The following DNHD1 variants were observed in gnomAD, a reference collection of about 807,000 sequenced individuals.
The protein encoded by DNHD1 is dynein heavy chain domain-containing protein 1.
A neutral mutation model predicts 458.1 loss-of-function variants in DNHD1; 383 were observed. The observed-to-expected ratio is 0.84, with a 90% CI of 0.77 to 0.91. The LOEUF is 0.91. DNHD1 is among the 40% of genes least tolerant of loss of function. The pLI is 0.00. For missense variants in DNHD1, 5,336 were observed against 5,866.1 expected (o/e 0.91, Z 2.95); for synonymous variants, 2,203 against 2,376.9 (o/e 0.93, Z 2.13).
intron 34 of DNHD1, 62 bp from the exon 35 acceptor site, chr11:6,566,524 GT>G: frequency 6.3e-7 from 1 of 1,585,206 alleles, no homozygotes; most frequent in Admixed American, 1.8e-5. Context: ...CATACTCCCT[GT>G]CTACTCTACC....
intron 17 of DNHD1, among the ~76,000 whole-genome samples, chr11:6,539,632 C>G (rs558221350): frequency 6.6e-6 from 1 of 152,314 alleles, no homozygotes; most frequent in East Asian, 1.9e-4. Context: ...GGTATTTGCT[C>G]AGTTGGAGCC....
rs1345676136 is a variant in DNHD1, at chr11:6,528,628, G to T, written c.1944G>T (p.Val648=). The change falls in exon 11 of 43, where the codon GTG becomes GTT. Residue 648 remains valine, a synonymous_variant. Transcript: ENST00000254579. ...TCTGTGGCCCGAATGTGGGATTGGT[G>T]TGGCCCTGGAAGTCTCACCCAATTG... The part of the protein sequence containing the change: ...SIFCGPNVGL[V]WPWKSHPIAG... 1.4e-5 allele frequency: 22 copies of T among 1,551,742 alleles called. No individual in the cohort carries two copies. Among genetic ancestry groups the T allele is most frequent in the Non-Finnish European group, 1.7e-5 (20 of 1,147,002 alleles).
At chr11:6,560,617 C>T (rs144718210) in intron 28 of DNHD1, among the ~76,000 whole-genome samples, 113 of 152,264 alleles carry the variant, frequency 7.4e-4, no homozygotes, top group African/African-American at 2.1e-3. Flanking sequence ...TACACCAGAG[C>T]AGAACACAGT....
intron 24 of DNHD1, among the ~76,000 whole-genome samples, chr11:6,551,750 G>C (rs902448071): frequency 5.9e-5 from 9 of 152,192 alleles, no homozygotes; most frequent in Non-Finnish European, 8.8e-5. Flanking sequence ...AGACCATCCT[G>C]GCCAACATGG....
At position 6,558,286 on chromosome 11, in the gene DNHD1, G is replaced by A; in HGVS notation, c.8991G>A (p.Met2997Ile). The change falls in exon 25 of 43, where the codon ATG (methionine) becomes ATA (isoleucine). Residue 2997 changes from methionine (M) to isoleucine (I), a missense_variant. Met to Ile is a conservative substitution (Grantham distance 10). Coordinates refer to ENST00000254579, the MANE Select transcript of DNHD1 (RefSeq NM_144666.3). ...LGVKQNIKKE[M>I]VLQRFHQQVC... ...TCAAACAGAACATCAAGAAGGAAAT[G>A]GTGTTGCAGAGGTGAGGCCAAGAAC... 6.4e-7 allele frequency: 1 copy of A among 1,551,064 alleles called. No homozygotes were observed.
At chr11:6,536,820 GTTTA>G (rs1413347127) in intron 14 of DNHD1, among the ~76,000 whole-genome samples, 1 of 152,162 alleles carries the variant, frequency 6.6e-6, no homozygotes, top group African/African-American at 2.4e-5. Flanking sequence ...AGATGAAGTT[GTTTA>G]TTTGTCTAAT....
At position 6,563,133 on chromosome 11, in the gene DNHD1, T is replaced by C. The variant is rs1326021826; in HGVS notation, c.9669+2T>C. 3.9e-6 allele frequency: 6 copies of C among 1,551,510 alleles called. No homozygotes were observed. In the East Asian group the frequency reaches 1.2e-4, roughly 32 times the overall value. On this transcript the variant is annotated splice_donor_variant, in intron 29 of 42. Transcript: ENST00000254579. LOFTEE classifies it high-confidence loss of function. The stretch of plus-strand genomic sequence containing the variant: ...CAGCGAGAGGCTTTCCTGGAGCAGG[T>C]GGGCTCTTCCTGCCGCCTGCCCTGC...
intron 19 of DNHD1, 143 bp from the exon 20 acceptor site, chr11:6,544,431 C>G (rs1442740323): frequency 2.0e-6 from 2 of 1,014,786 alleles, no homozygotes; most frequent in African/African-American, 3.3e-5. Context: ...TTTTCTCCCT[C>G]AAGCAAGTTC....
chr11:6,567,400 C>G lies in DNHD1; in HGVS notation c.11891C>G (p.Ser3964Cys). ...RLALWPGLAA[S>C]PSTVHSKPVS... is the part of the protein sequence containing the mutation. ...GCACTCTGGCCTGGACTAGCAGCCTCTCCCAGCACAGTCCACAGCAAGCCA... is the reference window on the plus strand; with the variant it reads ...GCACTCTGGCCTGGACTAGCAGCCTGTCCCAGCACAGTCCACAGCAAGCCA... Residue 3964 changes from serine (S) to cysteine (C), a missense_variant, in exon 36 of 43, where the codon TCT (serine) becomes TGT (cysteine). Coordinates refer to ENST00000254579, the MANE Select transcript of DNHD1 (RefSeq NM_144666.3). 3.1e-6 allele frequency: 5 copies of G among 1,613,738 alleles called. No individual in the cohort carries two copies. The highest frequency in any genetic ancestry group is 4.2e-6 in the Non-Finnish European group (5 of 1,179,756).
chr11:6,511,127 G>A (rs900980389), intron 6 of DNHD1, 146 bp from the exon 7 acceptor site: 1 of 1,087,456 alleles, frequency 9.2e-7, no homozygotes, highest in Non-Finnish European at 1.3e-6. Context: ...TCTCGAGAGG[G>A]AGCTGTCACT....
Position 6,503,119 on chromosome 11 carries a change from C to T in DNHD1, c.920+193C>T. ...TCCTTTCCACTCTCTACCTCCCCTT[C>T]ACTCCCTGTTGCTTACACAGCCTTT... On this transcript the variant is annotated intron_variant, in intron 4 of 42. Transcript: ENST00000254579. 9 of 567,962 alleles carry T rather than the reference C, an allele frequency of 1.6e-5. No homozygotes were observed. The South Asian group carries it at 2.1e-4, about 13-fold the overall frequency. 35.2% of individuals were successfully genotyped at this position (567,962 alleles called of 1,614,324 possible). A position where few individuals can be genotyped will look rare whatever the true frequency, so the allele number is the denominator to read the frequency against.
At chr11:6,552,248 G>A (rs1433619983) in intron 24 of DNHD1, among the ~76,000 whole-genome samples, 1 of 151,730 alleles carries the variant, frequency 6.6e-6, no homozygotes, top group Non-Finnish European at 1.5e-5. Context: ...GTTAGGCCAG[G>A]CATGGTGGCT....
chr11:6,512,283 G>C (rs56986302), intron 7 of DNHD1, among the ~76,000 whole-genome samples: 32,764 of 136,796 alleles, frequency 0.24, 4,888 homozygotes, highest in African/African-American at 0.37. Context: ...TGCAGTGGCG[G>C]GATCTCGGCT....
At chr11:6,508,703 T>G (rs1020736443) in intron 4 of DNHD1, 177 bp from the exon 5 acceptor site, 58 of 622,930 alleles carry the variant, frequency 9.3e-5, no homozygotes, top group African/African-American at 8.7e-4. Context: ...GGTTTCTTCT[T>G]AATAATATTT....
intron 3 of DNHD1, among the ~76,000 whole-genome samples, chr11:6,499,919 A>G (rs1326381835): frequency 2.0e-5 from 3 of 150,346 alleles, no homozygotes; most frequent in Non-Finnish European, 4.4e-5. Flanking sequence ...ACAGGATTTC[A>G]GAATGCTTAC....
intron 28 of DNHD1, among the ~76,000 whole-genome samples, chr11:6,560,100 A>T (rs1199993952): frequency 6.6e-6 from 1 of 152,230 alleles, no homozygotes; most frequent in African/African-American, 2.4e-5. Context: ...ACTAAAGAGC[A>T]GTTTTGTTTT....
intron 24 of DNHD1, among the ~76,000 whole-genome samples, chr11:6,554,761 TC>T (rs1183505638): frequency 6.6e-6 from 1 of 152,228 alleles, no homozygotes; most frequent in African/African-American, 2.4e-5. Context: ...ATAAGTGTTT[TC>T]AAAGATGTAG....
intron 10 of DNHD1, among the ~76,000 whole-genome samples, chr11:6,523,536 T>C (rs1240893066): frequency 6.6e-6 from 1 of 152,182 alleles, no homozygotes; most frequent in African/African-American, 2.4e-5. Flanking sequence ...AGTAAAGATC[T>C]GTATCATTGA....
rs1022285984 is a variant in DNHD1 at position 6,547,949 on chromosome 11, G to A, written c.6814G>A (p.Asp2272Asn). Residue 2272 changes from aspartate (D) to asparagine (N), a missense_variant, in exon 22 of 43, where the codon GAT (aspartate) becomes AAT (asparagine). Transcript: ENST00000254579. ...FLNRSQVDSD[D>N]VPDKCREHLL... Reference sequence around the variant, plus strand: ...AAACCGGTCCCAGGTTGACAGTGACGATGTGCCAGATAAGTGCAGGGAACA... The same window carrying A: ...AAACCGGTCCCAGGTTGACAGTGACAATGTGCCAGATAAGTGCAGGGAACA... The A allele has an allele frequency of 1.3e-5, 20 of 1,551,746 alleles. No individual in the cohort carries two copies. The highest frequency in any genetic ancestry group is 4.1e-5 in the African/African-American group (3 of 73,026).
Sources: allele counts gnomAD v4.1 joint callset (sites outside exome capture counted in the v4.1 genomes callset), GRCh38; gene constraint gnomAD v4.1.1; transcripts MANE v1.5; gene names NCBI Gene and HGNC (gene_info 2026-07-23, HGNC 2026-07-21).